The following RASSF8 variants were observed in gnomAD, a reference collection of about 807,000 sequenced individuals.
RASSF8 encodes the protein Ras association domain family member 8, also known as ras association domain-containing protein 8.
A neutral mutation model predicts 48.5 loss-of-function variants in RASSF8; 22 were observed. The ratio of observed to expected loss-of-function variants is 0.45; its 90% CI spans 0.32 to 0.65. The LOEUF is 0.65. RASSF8 is among the 30% of genes least tolerant of loss of function. The probability of loss-of-function intolerance (pLI) is 0.03; values close to 1 mark genes in which losing one functional copy is unlikely to be tolerated. For missense variants in RASSF8, 418 were observed against 489.2 expected (o/e 0.85, Z 1.37); for synonymous variants, 127 against 171.5 (o/e 0.74, Z 2.03).
intron 2 of RASSF8, among the ~76,000 whole-genome samples, chr12:26,025,109 A>G (rs1376038128): frequency 2.0e-5 from 3 of 152,222 alleles, no homozygotes; most frequent in East Asian, 1.9e-4. Context: ...AACTTTGTCA[A>G]CCTGATGAAT....
downstream of RASSF8, chr12:26,072,896 T>A: frequency 3.6e-6 from 3 of 842,152 alleles, no homozygotes; most frequent in Non-Finnish European, 4.3e-6. Flanking sequence ...GTTTCTTACA[T>A]CCTTTATATT....
chr12:26,001,336 T>C (rs1407650841), intron 2 of RASSF8, among the ~76,000 whole-genome samples: 4 of 151,914 alleles, frequency 2.6e-5, no homozygotes, highest in Admixed American at 1.3e-4. Context: ...TTTTAAAAAT[T>C]AAAAATTTTT....
intron 2 of RASSF8, among the ~76,000 whole-genome samples, chr12:26,041,233 T>C (rs1466614648): frequency 6.6e-6 from 1 of 152,202 alleles, no homozygotes; most frequent in South Asian, 2.1e-4. Context: ...ATCTGTCCTT[T>C]CTGCTGAATA....
At chr12:26,018,314 A>C (rs1006513853) in intron 2 of RASSF8, among the ~76,000 whole-genome samples, 1 of 152,160 alleles carries the variant, frequency 6.6e-6, no homozygotes, top group African/African-American at 2.4e-5. Flanking sequence ...TTCTTAAACT[A>C]TTTTTGAAAT....
At chr12:26,034,072 C>T (rs1403993287) in intron 2 of RASSF8, among the ~76,000 whole-genome samples, 1 of 151,874 alleles carries the variant, frequency 6.6e-6, no homozygotes, top group East Asian at 1.9e-4. Flanking sequence ...AAAGATGTTC[C>T]AAGCAGAGGA....
chr12:26,059,420 C>A (rs1943690357), intron 3 of RASSF8, among the ~76,000 whole-genome samples: 1 of 152,096 alleles, frequency 6.6e-6, no homozygotes, highest in African/African-American at 2.4e-5. Context: ...TACTTTTCTA[C>A]ATTTATAAAG....
At chr12:26,061,892 G>T (rs1282410479) in intron 3 of RASSF8, among the ~76,000 whole-genome samples, 2 of 152,052 alleles carry the variant, frequency 1.3e-5, no homozygotes, top group Non-Finnish European at 2.9e-5. Context: ...TACTAAATGT[G>T]CATTATTTAA....
At chr12:26,010,863 G>A (rs966271906) in intron 2 of RASSF8, among the ~76,000 whole-genome samples, 19 of 151,958 alleles carry the variant, frequency 1.3e-4, no homozygotes, top group African/African-American at 4.6e-4. Flanking sequence ...GGGATAGAAA[G>A]GAGATAAAAG....
At position 26,067,586 on chromosome 12, in the gene RASSF8, GGA is replaced by G; in HGVS notation, c.1013_1014del (p.Glu338AlafsTer4). The G allele has an allele frequency of 6.2e-7, 1 of 1,613,686 alleles. No homozygotes were observed. The highest frequency in any genetic ancestry group is 8.5e-7 in the Non-Finnish European group (1 of 1,179,708). ...KRLQDKEQEL[E>X]QLTKELRQVN... ...CCATCTAGGACAAAGAACAGGAACTGGAGCAGTTGACTAAGGAGTTGCGGCAA... is the reference window on the plus strand; with the variant it reads ...CCATCTAGGACAAAGAACAGGAACTGGCAGTTGACTAAGGAGTTGCGGCAA... On this transcript the variant is annotated frameshift_variant, in exon 5 of 6. Transcript: ENST00000689635. LOFTEE classifies it high-confidence loss of function.
Position 26,065,140 on chromosome 12 carries a change from A to G in RASSF8, c.746A>G (p.Gln249Arg), listed in dbSNP as rs1472057591. ...QLKDQLQEIR[Q>R]KITECENKLK... Reference sequence around the variant, plus strand: ...AAGGATCAACTTCAAGAAATAAGACAGAAAATAACAGAATGTGAAAACAAA... The same window carrying G: ...AAGGATCAACTTCAAGAAATAAGACGGAAAATAACAGAATGTGAAAACAAA... Residue 249 changes from glutamine to arginine, a missense_variant, in exon 4 of 6, where the codon CAG becomes CGG. Transcript: ENST00000689635. 1 of 1,614,024 alleles carries G rather than the reference A, an allele frequency of 6.2e-7. No homozygotes were observed. Among genetic ancestry groups the G allele is most frequent in the East Asian group, 2.2e-5 (1 of 44,886 alleles).
intron 1 of RASSF8, among the ~76,000 whole-genome samples, chr12:25,977,708 C>G (rs1157525696): frequency 6.6e-6 from 1 of 151,640 alleles, no homozygotes; most frequent in Non-Finnish European, 1.5e-5. Flanking sequence ...TACAAGTATA[C>G]TTTGATTTTG....
downstream of RASSF8, among the ~76,000 whole-genome samples, chr12:26,073,759 AC>A (rs1944041594): frequency 7.4e-6 from 1 of 134,436 alleles, no homozygotes; most frequent in Non-Finnish European, 1.6e-5. Context: ...ACACACACAC[AC>A]ACACACACAC....
chr12:26,048,459 TTG>T lies in RASSF8; in HGVS notation c.-108-6772_-108-6771del, dbSNP rs1415239070. Among the ~76,000 whole-genome samples, 4 of 152,182 alleles carry T rather than the reference TTG, an allele frequency of 2.6e-5. No homozygotes were observed. In the South Asian group the frequency reaches 6.2e-4, roughly 24 times the overall value. On this transcript the variant is annotated intron_variant, in intron 2 of 5. Transcript: ENST00000689635. Reference sequence around the variant, plus strand: ...ATGCATATGCTGAGAATAATGGCATTTGTGTGGAATGGTGGATTCCAGTTAGA... The same window carrying T: ...ATGCATATGCTGAGAATAATGGCATTTGTGGAATGGTGGATTCCAGTTAGA...
intron 3 of RASSF8, among the ~76,000 whole-genome samples, chr12:26,062,116 A>G (rs1329023399): frequency 6.6e-6 from 1 of 152,218 alleles, no homozygotes; most frequent in African/African-American, 2.4e-5. Flanking sequence ...AAAGAACTCT[A>G]CCGGTTTATC....
intron 1 of RASSF8, among the ~76,000 whole-genome samples, chr12:25,986,950 G>GTTTGT (rs67523606): frequency 0.053 from 7,865 of 149,658 alleles, 274 homozygotes; most frequent in African/African-American, 0.087. Flanking sequence ...TTGTTTGTTT[G>GTTTGT]TTTTGCAACG....
At chr12:26,014,773 T>C (rs946645935) in intron 2 of RASSF8, among the ~76,000 whole-genome samples, 7 of 152,196 alleles carry the variant, frequency 4.6e-5, no homozygotes, top group South Asian at 4.1e-4. Context: ...CCTTTGAGAA[T>C]TGAATTTAAA....
chr12:26,051,763 A>G (rs17460800), intron 2 of RASSF8, among the ~76,000 whole-genome samples: 14,841 of 152,258 alleles, frequency 0.097, 763 homozygotes, highest in Middle Eastern at 0.15. Context: ...TCAATAAACT[A>G]TCTGGAGGTG....
intron 3 of RASSF8, among the ~76,000 whole-genome samples, chr12:26,057,192 T>G (rs59757232): frequency 0.039 from 5,938 of 152,102 alleles, 547 homozygotes; most frequent in East Asian, 0.29. Flanking sequence ...GCAGGTTTGT[T>G]ACATATGTAT....
chr12:26,055,168 ATACT>A (rs1318306023), intron 2 of RASSF8, 64 bp from the exon 3 acceptor site: 18 of 600,172 alleles, frequency 3.0e-5, no homozygotes, highest in Non-Finnish European at 4.6e-5. Context: ...GTTTTGTGTA[ATACT>A]TACATACTTA....
Sources: gnomAD v4.1 joint callset for allele counts (sites outside exome capture counted in the v4.1 genomes callset) on GRCh38, gnomAD v4.1.1 for gene constraint, MANE v1.5 for transcripts, NCBI Gene and HGNC (gene_info 2026-07-23, HGNC 2026-07-21) for gene names.